Variants in FOXK2 observed in about 807,000 individuals in gnomAD.
The protein encoded by FOXK2 is forkhead box K2, also known as forkhead box protein K2.
A neutral mutation model predicts 53.3 loss-of-function variants in FOXK2; 24 were observed. The ratio of observed to expected loss-of-function variants is 0.45; its 90% CI spans 0.33 to 0.63. The LOEUF (loss-of-function observed/expected upper bound fraction) is 0.63, where lower values mean the gene tolerates loss of function less well. Among genes scored for constraint, FOXK2 ranks in the 30% least tolerant of loss-of-function variants. FOXK2 has a pLI of 0.03. For synonymous variants in FOXK2, 505 were observed against 407.1 expected (o/e 1.24, Z -2.89); for missense variants, 952 against 910.5 (o/e 1.05, Z -0.59).
At chr17:82,554,364 C>T (rs1414330565) in intron 1 of FOXK2, among the ~76,000 whole-genome samples, 7 of 152,246 alleles carry the variant, frequency 4.6e-5, no homozygotes, top group African/African-American at 1.2e-4. Context: ...AGAGCTTCTT[C>T]GTGAGTCTGT....
rs149937733 is a variant in FOXK2, at chr17:82,587,761, G to A, written c.1786+489G>A. Among the ~76,000 whole-genome samples the A allele has an allele frequency of 9.9e-3, 1,510 of 152,282 alleles. 18 individuals are homozygous for A. Among genetic ancestry groups the A allele is most frequent in the Middle Eastern group, 0.017 (5 of 294 alleles). On this transcript the variant is annotated intron_variant, in intron 8 of 8. Transcript: ENST00000335255. Reference sequence around the variant, plus strand: ...GTGGAGACACCAGAACCTCCGCGCCGACACCGGGTTATCTACCTTCGCCCT... The same window carrying A: ...GTGGAGACACCAGAACCTCCGCGCCAACACCGGGTTATCTACCTTCGCCCT...
At chr17:82,559,040 C>T (rs1352145078) in intron 1 of FOXK2, among the ~76,000 whole-genome samples, 4 of 152,138 alleles carry the variant, frequency 2.6e-5, no homozygotes, top group African/African-American at 9.7e-5. Context: ...TGAGCCACTG[C>T]GCCTGGCCCA....
At chr17:82,587,628 G>C (rs972234136) in intron 8 of FOXK2, 2 of 356,786 alleles carry the variant, frequency 5.6e-6, no homozygotes, top group African/African-American at 4.2e-5. Context: ...CTGTGGCGGT[G>C]CTATGCTGCT....
intron 1 of FOXK2, among the ~76,000 whole-genome samples, chr17:82,557,378 C>G (rs2144103918): frequency 6.7e-6 from 1 of 150,242 alleles, no homozygotes; most frequent in Admixed American, 6.6e-5. Flanking sequence ...GAATCTCACA[C>G]TGTCACCCAG....
At chr17:82,597,945 C>T (rs749905244) in intron 8 of FOXK2, among the ~76,000 whole-genome samples, 2 of 152,130 alleles carry the variant, frequency 1.3e-5, no homozygotes, top group South Asian at 4.1e-4. Flanking sequence ...CCACCGCGCC[C>T]GGCCTCCCAG....
At chr17:82,551,025 T>G (rs1211898341) in intron 1 of FOXK2, among the ~76,000 whole-genome samples, 2 of 152,100 alleles carry the variant, frequency 1.3e-5, no homozygotes, top group African/African-American at 2.4e-5. Context: ...GTTAGAAGAT[T>G]TGTGCTGAAA....
intron 8 of FOXK2, among the ~76,000 whole-genome samples, chr17:82,588,621 C>T (rs902661970): frequency 5.9e-5 from 9 of 152,132 alleles, no homozygotes; most frequent in African/African-American, 1.2e-4. Flanking sequence ...CAGAGTGCTG[C>T]GTTCCCCAGA....
chr17:82,521,943 A>G (rs2044367202), intron 1 of FOXK2, among the ~76,000 whole-genome samples: 1 of 151,758 alleles, frequency 6.6e-6, no homozygotes, highest in African/African-American at 2.4e-5. Context: ...CTCAAAAAAA[A>G]AAAAGAAATT....
At chr17:82,570,073 T>A (rs1239912319) in intron 3 of FOXK2, among the ~76,000 whole-genome samples, 13 of 149,288 alleles carry the variant, frequency 8.7e-5, no homozygotes, top group Non-Finnish European at 1.6e-4. Flanking sequence ...ATACAAAAAA[T>A]TAGCTGGGCG....
intron 1 of FOXK2, among the ~76,000 whole-genome samples, chr17:82,553,012 T>G (rs2044691621): frequency 6.6e-6 from 1 of 152,224 alleles, no homozygotes; most frequent in Non-Finnish European, 1.5e-5. Context: ...CTCGGCTCAT[T>G]GCAACCTCTG....
At position 82,586,138 on chromosome 17, in the gene FOXK2, C is replaced by G; in HGVS notation, c.1514C>G (p.Ala505Gly). The G allele has an allele frequency of 6.2e-7, 1 of 1,612,568 alleles. No homozygotes were observed. Residue 505 changes from alanine to glycine, a missense_variant, in exon 7 of 9, where the codon GCA (alanine) becomes GGA (glycine). Ala to Gly is a moderately conservative substitution (Grantham distance 60). Transcript: ENST00000335255. ...TCTGGACAAGCTGTGGTCACCCCGG[C>G]AGCCGTGCTGGCCCCTCCTAAGGCA... ...TVSGQAVVTP[A>G]AVLAPPKAEA...
At chr17:82,549,581 C>T (rs1411457554) in intron 1 of FOXK2, among the ~76,000 whole-genome samples, 1 of 152,154 alleles carries the variant, frequency 6.6e-6, no homozygotes, top group Non-Finnish European at 1.5e-5. Context: ...GGGCAAAACC[C>T]CCCAAATTAC....
chr17:82,576,560 G>A, intron 4 of FOXK2: 1 of 736,276 alleles, frequency 1.4e-6, no homozygotes. Context: ...AGCTGAGCCT[G>A]TTGGGCTGGT....
intron 8 of FOXK2, among the ~76,000 whole-genome samples, chr17:82,591,601 G>C (rs1404597147): frequency 6.6e-6 from 1 of 152,190 alleles, no homozygotes; most frequent in Non-Finnish European, 1.5e-5. Flanking sequence ...CCCTTTTTGA[G>C]TACATGGAAA....
chr17:82,523,626 C>T (rs1216058826), intron 1 of FOXK2, among the ~76,000 whole-genome samples: 1 of 151,916 alleles, frequency 6.6e-6, no homozygotes, highest in Non-Finnish European at 1.5e-5. Context: ...GTGTGCACTA[C>T]ACCACCGCAC....
At chr17:82,520,719 C>T (rs1485976180) in intron 1 of FOXK2, among the ~76,000 whole-genome samples, 2 of 152,174 alleles carry the variant, frequency 1.3e-5, no homozygotes, top group African/African-American at 2.4e-5. Flanking sequence ...GTCTCTTAAC[C>T]GATGAAGGGT....
intron 3 of FOXK2, 95 bp downstream of exon 3, chr17:82,568,296 G>C: frequency 6.9e-7 from 1 of 1,456,678 alleles, no homozygotes; most frequent in Non-Finnish European, 9.4e-7. Flanking sequence ...TGCCTGTCCA[G>C]TGACAGCCCT....
At chr17:82,529,353 G>C (rs868308351) in intron 1 of FOXK2, among the ~76,000 whole-genome samples, 24 of 147,008 alleles carry the variant, frequency 1.6e-4, no homozygotes, top group African/African-American at 5.8e-4. Flanking sequence ...CTCCTGAGTA[G>C]CTGGAATTAC....
At chr17:82,576,987 A>T (rs908060385) in intron 4 of FOXK2, 48 of 391,668 alleles carry the variant, frequency 1.2e-4, no homozygotes, top group Non-Finnish European at 1.4e-5. Context: ...CGGAGAAACT[A>T]CATCTCTACT....
Sources: gnomAD v4.1 joint callset for allele counts (sites outside exome capture counted in the v4.1 genomes callset) on GRCh38, gnomAD v4.1.1 for gene constraint, MANE v1.5 for transcripts, NCBI Gene and HGNC (gene_info 2026-07-23, HGNC 2026-07-21) for gene names.